Variants in MPPED1 observed in about 807,000 individuals in gnomAD.
MPPED1 encodes the protein metallophosphoesterase domain containing 1.
MPPED1 carries 16 observed loss-of-function variants against 36.2 expected under a neutral mutation model. The observed-to-expected ratio is 0.44, with a 90% confidence interval of 0.30 to 0.67. MPPED1 has a LOEUF of 0.67. Ranked by LOEUF, MPPED1 falls within the 30% of genes least tolerant of loss-of-function variation. The pLI is 0.10. For missense variants in MPPED1, 307 were observed against 453.4 expected (o/e 0.68, Z 2.93); for synonymous variants, 199 against 191.3 (o/e 1.04, Z -0.33).
chr22:43,412,659 T>A (rs1928942862), intron 1 of MPPED1, among the ~76,000 whole-genome samples: 1 of 105,220 alleles, frequency 9.5e-6, no homozygotes, highest in Non-Finnish European at 2.0e-5. Flanking sequence ...CATCCATTCA[T>A]CCCTCCCTCC....
chr22:43,447,771 T>C (rs1388528248), intron 3 of MPPED1, among the ~76,000 whole-genome samples: 2 of 148,202 alleles, frequency 1.3e-5, no homozygotes, highest in Non-Finnish European at 1.5e-5. Flanking sequence ...CCCTTCTCTG[T>C]TCTCCCGAGG....
rs951703473 is a variant in MPPED1 at position 43,418,117 on chromosome 22, G to T, written c.-79+5959G>T. The T allele has an allele frequency of 6.6e-5, 30 of 456,298 alleles. No individual in the cohort carries two copies. In the Admixed American group the frequency reaches 7.0e-4, roughly 11 times the overall value. 28.3% of individuals were successfully genotyped at this position (456,298 alleles called of 1,614,324 possible). The stretch of plus-strand genomic sequence containing the variant: ...GCCGATGAATGGAAGAGAAACACAG[G>T]TGTGTTCTGGGGATGGCTGCCTTAC... On this transcript the variant is annotated intron_variant, in intron 1 of 6. Transcript: ENST00000443721.
At chr22:43,451,960 A>C (rs1803381820) in intron 3 of MPPED1, among the ~76,000 whole-genome samples, 2 of 151,746 alleles carry the variant, frequency 1.3e-5, no homozygotes, top group Non-Finnish European at 2.9e-5. Flanking sequence ...GCTGCTGTCC[A>C]CTATGGATAC....
At chr22:43,482,346 G>A (rs1208173540) in intron 4 of MPPED1, among the ~76,000 whole-genome samples, 3 of 152,156 alleles carry the variant, frequency 2.0e-5, no homozygotes, top group African/African-American at 4.8e-5. Flanking sequence ...TGCCGGGCCC[G>A]TTGCTGGGCG....
chr22:43,464,289 C>CTGTG (rs1491290628), intron 3 of MPPED1, among the ~76,000 whole-genome samples: 2 of 105,100 alleles, frequency 1.9e-5, no homozygotes, highest in Non-Finnish European at 3.6e-5. Context: ...TGTTGGTCAG[C>CTGTG]TCTGTGTGTG....
chr22:43,425,504 G>T (rs1259253613), intron 2 of MPPED1, among the ~76,000 whole-genome samples: 1 of 152,168 alleles, frequency 6.6e-6, no homozygotes, highest in Non-Finnish European at 1.5e-5. Flanking sequence ...CAGACTTCTG[G>T]CTTCACTTTA....
intron 1 of MPPED1, among the ~76,000 whole-genome samples, chr22:43,421,358 T>C (rs1929268135): frequency 6.6e-6 from 1 of 152,264 alleles, no homozygotes; most frequent in South Asian, 2.1e-4. Context: ...CCCCTTTATG[T>C]GAAATGCAGC....
At chr22:43,492,455 G>T (rs961050670) in intron 4 of MPPED1, among the ~76,000 whole-genome samples, 3 of 152,144 alleles carry the variant, frequency 2.0e-5, no homozygotes, top group African/African-American at 7.2e-5. Flanking sequence ...TGTCCTTGAT[G>T]CTGCCCACCC....
intron 4 of MPPED1, among the ~76,000 whole-genome samples, chr22:43,476,832 G>A (rs533433722): frequency 1.1e-4 from 16 of 152,232 alleles, no homozygotes; most frequent in African/African-American, 3.9e-4. Flanking sequence ...GAGGAGGGGA[G>A]GTGGCTGAGT....
intron 4 of MPPED1, among the ~76,000 whole-genome samples, chr22:43,488,296 G>A (rs1931976663): frequency 6.6e-6 from 1 of 152,202 alleles, no homozygotes; most frequent in Non-Finnish European, 1.5e-5. Flanking sequence ...GCCAGGGATG[G>A]CTGTACTCCA....
At chr22:43,424,490 C>A (rs961552490) in intron 1 of MPPED1, among the ~76,000 whole-genome samples, 1 of 152,078 alleles carries the variant, frequency 6.6e-6, no homozygotes, top group Non-Finnish European at 1.5e-5. Context: ...GTAGGAGAAT[C>A]CTTCCTGTTC....
intron 5 of MPPED1, among the ~76,000 whole-genome samples, chr22:43,499,017 C>G (rs1005654157): frequency 2.0e-4 from 30 of 151,834 alleles, no homozygotes; most frequent in African/African-American, 7.3e-4. Context: ...AATGTCTTCT[C>G]TCTCTCTCCC....
Position 43,505,662 on chromosome 22 carries a change from G to A in MPPED1, c.*46G>A. The A allele has an allele frequency of 1.5e-5, 23 of 1,508,796 alleles. No individual in the cohort carries two copies. Among genetic ancestry groups the A allele is most frequent in the Non-Finnish European group, 2.1e-5 (23 of 1,106,088 alleles). The allele number at this position is 1,508,796 out of a possible 1,614,324, so 93.5% of individuals were successfully genotyped here. ...CCTGCCCGCCCGTGTCAGCTCCACA[G>A]GCCTGGCCCGGCCACTGTTCCTTCC... On this transcript the variant is annotated 3_prime_UTR_variant, in exon 7 of 7. Transcript: ENST00000443721.
At chr22:43,447,867 A>ATT in intron 3 of MPPED1, among the ~76,000 whole-genome samples, 1 of 33,324 alleles carries the variant, frequency 3.0e-5, no homozygotes, top group African/African-American at 8.1e-5. Flanking sequence ...TATTATATAT[A>ATT]TATATATATA....
chr22:43,454,272 GTACTGGGAT>G (rs1449676095), intron 3 of MPPED1, among the ~76,000 whole-genome samples: 1 of 151,638 alleles, frequency 6.6e-6, no homozygotes, highest in Non-Finnish European at 1.5e-5. Context: ...GCCTCCCAAA[GTACTGGGAT>G]TACAGGTATG....
At chr22:43,447,875 ATATATATATTT>A (rs1483232185) in intron 3 of MPPED1, among the ~76,000 whole-genome samples, 11 of 40,102 alleles carry the variant, frequency 2.7e-4, no homozygotes, top group African/African-American at 7.9e-4. Context: ...ATATATATAT[ATATATATATTT>A]TTTTTTTTTT....
At chr22:43,413,049 A>G (rs1246848112) in intron 1 of MPPED1, among the ~76,000 whole-genome samples, 2 of 152,168 alleles carry the variant, frequency 1.3e-5, no homozygotes, top group African/African-American at 2.4e-5. Flanking sequence ...TCCACTCCGG[A>G]ACTGGCCCCC....
chr22:43,431,969 G>A (rs1929702648), intron 2 of MPPED1, among the ~76,000 whole-genome samples: 1 of 152,144 alleles, frequency 6.6e-6, no homozygotes, highest in African/African-American at 2.4e-5. Context: ...CCAGCAGCAG[G>A]CCCAGCCCAA....
chr22:43,453,164 A>G (rs1930633906), intron 3 of MPPED1, among the ~76,000 whole-genome samples: 2 of 152,000 alleles, frequency 1.3e-5, no homozygotes, highest in Middle Eastern at 3.4e-3. Context: ...GTTAGCCAGG[A>G]TGGTCTCGAT....
Sources: gnomAD v4.1 joint callset for allele counts (sites outside exome capture counted in the v4.1 genomes callset) on GRCh38, gnomAD v4.1.1 for gene constraint, MANE v1.5 for transcripts, NCBI Gene and HGNC (gene_info 2026-07-23, HGNC 2026-07-21) for gene names.